The following LRFN5 variants were observed in gnomAD, a reference collection of about 807,000 sequenced individuals.
The protein encoded by LRFN5 is leucine rich repeat and fibronectin type III domain containing 5, also known as leucine-rich repeat and fibronectin type-III domain-containing protein 5.
A neutral mutation model predicts 45.6 loss-of-function variants in LRFN5; 24 were observed. The ratio of observed to expected loss-of-function variants is 0.53; its 90% CI spans 0.38 to 0.74. LRFN5 has a LOEUF of 0.74. Ranked by LOEUF, LRFN5 falls within the 30% of genes least tolerant of loss-of-function variation. The pLI is 0.00. For missense variants in LRFN5, 776 were observed against 861.5 expected (o/e 0.90, Z 1.24); for synonymous variants, 340 against 313.8 (o/e 1.08, Z -0.88).
chr14:41,711,149 C>T (rs1179267127), intron 1 of LRFN5, among the ~76,000 whole-genome samples: 3 of 152,092 alleles, frequency 2.0e-5, no homozygotes, highest in African/African-American at 7.2e-5. Flanking sequence ...CATCTTACTA[C>T]AAAGATGAAA....
intron 1 of LRFN5, among the ~76,000 whole-genome samples, chr14:41,613,849 C>T (rs904134329): frequency 2.0e-5 from 3 of 151,968 alleles, no homozygotes; most frequent in African/African-American, 4.8e-5. Flanking sequence ...CCATGTTCAG[C>T]TCTTTTGAGG....
chr14:41,627,137 T>A (rs1328102143), intron 1 of LRFN5, among the ~76,000 whole-genome samples: 1 of 152,132 alleles, frequency 6.6e-6, no homozygotes, highest in Non-Finnish European at 1.5e-5. Flanking sequence ...TCTCTCACTT[T>A]ATATTGAGAT....
chr14:41,854,034 G>GTA (rs1889366979), intron 2 of LRFN5, among the ~76,000 whole-genome samples: 1 of 152,104 alleles, frequency 6.6e-6, no homozygotes, highest in South Asian at 2.1e-4. Flanking sequence ...GGCAGGTAAG[G>GTA]TACAAAAGAG....
chr14:41,750,817 C>A (rs1885099940), intron 1 of LRFN5, among the ~76,000 whole-genome samples: 1 of 152,070 alleles, frequency 6.6e-6, no homozygotes, highest in African/African-American at 2.4e-5. Context: ...GGGGAAACTG[C>A]CACTTTTTAA....
At chr14:41,877,443 A>C (rs1293015112) in intron 2 of LRFN5, among the ~76,000 whole-genome samples, 1 of 152,178 alleles carries the variant, frequency 6.6e-6, no homozygotes, top group Non-Finnish European at 1.5e-5. Flanking sequence ...TGATCATGAC[A>C]AATTTTGTTT....
intron 1 of LRFN5, among the ~76,000 whole-genome samples, chr14:41,622,508 T>C (rs1330434825): frequency 6.6e-6 from 1 of 152,108 alleles, no homozygotes; most frequent in African/African-American, 2.4e-5. Context: ...AGCTTATTTA[T>C]TTTTATCAAA....
At chr14:41,796,694 A>G (rs948149774) in intron 2 of LRFN5, among the ~76,000 whole-genome samples, 1 of 151,938 alleles carries the variant, frequency 6.6e-6, no homozygotes, top group Non-Finnish European at 1.5e-5. Flanking sequence ...ACTACATATT[A>G]TAGAATTCCG....
intron 2 of LRFN5, among the ~76,000 whole-genome samples, chr14:41,785,407 G>T (rs868005051): frequency 1.1e-4 from 16 of 151,978 alleles, no homozygotes; most frequent in Middle Eastern, 3.4e-3. Context: ...TATTTCCTCT[G>T]TTGGATTATA....
intron 1 of LRFN5, among the ~76,000 whole-genome samples, chr14:41,618,735 A>T (rs1888007493): frequency 6.6e-6 from 1 of 152,188 alleles, no homozygotes; most frequent in African/African-American, 2.4e-5. Context: ...ACTGAGACAT[A>T]GCCAGCCACC....
chr14:41,693,971 T>G (rs1566624346), intron 1 of LRFN5, among the ~76,000 whole-genome samples: 2 of 151,988 alleles, frequency 1.3e-5, no homozygotes, highest in South Asian at 4.1e-4. Context: ...AGAGATTCTT[T>G]CATGTTTGAG....
At chr14:41,865,186 C>A (rs1406954055) in intron 2 of LRFN5, among the ~76,000 whole-genome samples, 1 of 152,052 alleles carries the variant, frequency 6.6e-6, no homozygotes. Context: ...TTTAAGAACA[C>A]TTTTGTCATC....
chr14:41,717,935 G>A (rs78383051), intron 1 of LRFN5, among the ~76,000 whole-genome samples: 1,708 of 152,192 alleles, frequency 0.011, 13 homozygotes, highest in Middle Eastern at 0.017. Context: ...CCATGGGCTG[G>A]CTCTTCACTA....
chr14:41,822,612 G>A (rs1311155210), intron 2 of LRFN5, among the ~76,000 whole-genome samples: 1 of 151,984 alleles, frequency 6.6e-6, no homozygotes, highest in South Asian at 2.1e-4. Context: ...TGAGAAAAAT[G>A]TATATTCTGT....
At chr14:41,668,232 A>G (rs1880999016) in intron 1 of LRFN5, among the ~76,000 whole-genome samples, 1 of 152,116 alleles carries the variant, frequency 6.6e-6, no homozygotes, top group African/African-American at 2.4e-5. Context: ...GATTATTTTC[A>G]CTTAACTCTT....
intron 2 of LRFN5, among the ~76,000 whole-genome samples, chr14:41,781,447 G>A (rs769847357): frequency 3.4e-5 from 5 of 145,768 alleles, no homozygotes; most frequent in South Asian, 2.4e-4. Context: ...GCATTGAGTC[G>A]TGATCATGGC....
intron 2 of LRFN5, among the ~76,000 whole-genome samples, chr14:41,873,349 A>G (rs1459451476): frequency 6.6e-6 from 1 of 151,938 alleles, no homozygotes; most frequent in East Asian, 1.9e-4. Context: ...AAAATGTACT[A>G]AATATTCTTA....
intron 1 of LRFN5, among the ~76,000 whole-genome samples, chr14:41,704,444 C>G (rs78471371): frequency 0.73 from 93,186 of 126,836 alleles, 34,041 homozygotes; most frequent in East Asian, 0.97. Context: ...CTCTCTCTCT[C>G]TCTCTGTGTG....
intron 1 of LRFN5, among the ~76,000 whole-genome samples, chr14:41,689,881 C>A (rs1420633050): frequency 9.0e-6 from 1 of 111,526 alleles, no homozygotes; most frequent in South Asian, 3.0e-4. Flanking sequence ...GGCCACAGAG[C>A]GAGACTCCGT....
intron 1 of LRFN5, among the ~76,000 whole-genome samples, chr14:41,724,996 C>T (rs1477865321): frequency 6.6e-6 from 1 of 152,020 alleles, no homozygotes. Flanking sequence ...TGAATTGTTA[C>T]ATTTATTGGC....
Sources: allele counts gnomAD v4.1 joint callset (sites outside exome capture counted in the v4.1 genomes callset), GRCh38; gene constraint gnomAD v4.1.1; transcripts MANE v1.5; gene names NCBI Gene and HGNC (gene_info 2026-07-23, HGNC 2026-07-21).